ASPH: variants seen among roughly 807,000 people sequenced by gnomAD.
The protein encoded by ASPH is aspartyl/asparaginyl beta-hydroxylase.
ASPH carries 100 observed loss-of-function variants against 118.4 expected under a neutral mutation model. The ratio of observed to expected loss-of-function variants is 0.84; its 90% CI spans 0.72 to 1.00. ASPH has a LOEUF of 1.00. Ranked by LOEUF, ASPH falls within the 50% of genes least tolerant of loss-of-function variation. The probability of loss-of-function intolerance (pLI) is 0.00; values close to 1 mark genes in which losing one functional copy is unlikely to be tolerated. For missense variants in ASPH, 920 were observed against 919.5 expected, an observed-to-expected ratio of 1.00 and a Z score of -0.01; for synonymous variants, 315 against 325.6, an observed-to-expected ratio of 0.97 and a Z score of 0.35.
At chr8:61,612,371 A>T (rs888143864) in intron 14 of ASPH, among the ~76,000 whole-genome samples, 1 of 124,492 alleles carries the variant, frequency 8.0e-6, no homozygotes, top group African/African-American at 2.9e-5. Context: ...AGAAATGAAC[A>T]AAGTTTTTTT....
intron 16 of ASPH, among the ~76,000 whole-genome samples, chr8:61,572,761 C>A (rs1833853025): frequency 6.6e-6 from 1 of 152,142 alleles, no homozygotes; most frequent in Non-Finnish European, 1.5e-5. Context: ...ATTTTCCACT[C>A]AGTAACCAAA....
chr8:61,566,471 C>T (rs781416348), intron 17 of ASPH, among the ~76,000 whole-genome samples: 4 of 152,190 alleles, frequency 2.6e-5, no homozygotes, highest in Non-Finnish European at 4.4e-5. Flanking sequence ...GAAATGGCAA[C>T]AAAGGATTTA....
intron 1 of ASPH, among the ~76,000 whole-genome samples, chr8:61,692,401 C>T (rs538228203): frequency 3.3e-5 from 5 of 152,206 alleles, no homozygotes; most frequent in South Asian, 2.1e-4. Context: ...CTTTAGCAAA[C>T]GCAACTAAAA....
chr8:61,539,032 C>T (rs144291258), intron 21 of ASPH, among the ~76,000 whole-genome samples: 20 of 152,068 alleles, frequency 1.3e-4, no homozygotes, highest in Admixed American at 5.9e-4. Flanking sequence ...ACCTGAGGTC[C>T]GGAGTTTGAG....
intron 14 of ASPH, among the ~76,000 whole-genome samples, chr8:61,599,628 G>GA (rs1262777675): frequency 6.6e-6 from 1 of 151,908 alleles, no homozygotes. Flanking sequence ...GATCATCAGA[G>GA]ACTATTATGA....
intron 22 of ASPH, among the ~76,000 whole-genome samples, chr8:61,524,042 T>C (rs575567403): frequency 2.0e-5 from 3 of 152,172 alleles, no homozygotes; most frequent in African/African-American, 2.4e-5. Flanking sequence ...GATTGCACCA[T>C]TGCACGCCAA....
At chr8:61,643,517 T>C in intron 8 of ASPH, 84 bp from the exon 9 acceptor site, 1 of 1,336,730 alleles carries the variant, frequency 7.5e-7, no homozygotes, top group South Asian at 1.2e-5. Context: ...CATAAATTAA[T>C]TATCTTCACA....
At chr8:61,528,304 A>G (rs1310249720) in intron 21 of ASPH, among the ~76,000 whole-genome samples, 1 of 152,216 alleles carries the variant, frequency 6.6e-6, no homozygotes, top group Non-Finnish European at 1.5e-5. Flanking sequence ...TGGAAAAGAA[A>G]AAAATGCACC....
intron 14 of ASPH, among the ~76,000 whole-genome samples, chr8:61,609,874 C>T (rs766150988): frequency 1.3e-5 from 2 of 152,220 alleles, no homozygotes; most frequent in Non-Finnish European, 2.9e-5. Context: ...CAACTACTCA[C>T]AGCACTGTCT....
intron 15 of ASPH, chr8:61,578,462 C>A: frequency 6.3e-7 from 1 of 1,593,866 alleles, no homozygotes; most frequent in Non-Finnish European, 8.6e-7. Context: ...TGGAGGTGGA[C>A]CCCAACATCC....
At chr8:61,640,438 G>A (rs1447553138) in intron 10 of ASPH, among the ~76,000 whole-genome samples, 4 of 152,116 alleles carry the variant, frequency 2.6e-5, no homozygotes, top group African/African-American at 9.7e-5. Flanking sequence ...CCTTACTCTT[G>A]CAAGTTCACG....
At chr8:61,587,075 A>G (rs967931326) in intron 14 of ASPH, among the ~76,000 whole-genome samples, 1 of 152,178 alleles carries the variant, frequency 6.6e-6, no homozygotes, top group Non-Finnish European at 1.5e-5. Context: ...ACTTTCATCA[A>G]GTAATAAAGC....
chr8:61,611,534 T>G (rs1322779159), intron 14 of ASPH, among the ~76,000 whole-genome samples: 1 of 152,204 alleles, frequency 6.6e-6, no homozygotes, highest in African/African-American at 2.4e-5. Context: ...AAGAGCAGCT[T>G]CTGATGAAAG....
intron 13 of ASPH, among the ~76,000 whole-genome samples, chr8:61,623,077 C>T (rs76141814): frequency 0.014 from 2,105 of 152,144 alleles, 43 homozygotes; most frequent in African/African-American, 0.048. Context: ...AATTAATATC[C>T]TCCCATTAAA....
chr8:61,695,356 A>G (rs1833680031), intron 1 of ASPH, among the ~76,000 whole-genome samples: 1 of 152,226 alleles, frequency 6.6e-6, no homozygotes, highest in East Asian at 1.9e-4. Context: ...GGAAGGCTCC[A>G]TGTGATGGGG....
At position 61,503,414 on chromosome 8, in the gene ASPH, T is replaced by C. The variant is rs1198666848; in HGVS notation, c.2222A>G (p.Asp741Gly). 6.2e-7 allele frequency: 1 copy of C among 1,613,138 alleles called. No individual in the cohort carries two copies. The highest frequency in any genetic ancestry group is 1.7e-4 in the Middle Eastern group (1 of 5,904). The change falls in exon 25 of 25, where the codon GAT (aspartate) becomes GGT (glycine). Residue 741 changes from aspartate (D) to glycine (G), a missense_variant. Physicochemically the swap from Asp to Gly is moderately conservative, Grantham distance 94. Transcript: ENST00000379454. ...TGGTGTCAGTTCCGGATGCCACACATCCACGATGAATATCAGCCGGAAAGA... is the reference window on the plus strand; with the variant it reads ...TGGTGTCAGTTCCGGATGCCACACACCCACGATGAATATCAGCCGGAAAGA... ...ASSFRLIFIV[D>G]VWHPELTPQQ...
At chr8:61,540,106 T>C (rs2130408776) in intron 21 of ASPH, among the ~76,000 whole-genome samples, 1 of 152,312 alleles carries the variant, frequency 6.6e-6, no homozygotes, top group South Asian at 2.1e-4. Flanking sequence ...TCTACTGGAA[T>C]ATTTTTCACT....
rs762456223 is a variant in ASPH, at chr8:61,643,948, G to C, written c.706C>G (p.Pro236Ala). The change falls in exon 8 of 25, where the codon CCA becomes GCA. Residue 236 changes from proline (P) to alanine (A), a missense_variant. Transcript: ENST00000379454. ...MEEMMSEQEN[P>A]DSSEPVVEDE... Reference sequence around the variant, plus strand: ...AATAATTTTAACATTTACAAACCTGGATTTTCCTGCTCAGACATCATCTCT... The same window carrying C: ...AATAATTTTAACATTTACAAACCTGCATTTTCCTGCTCAGACATCATCTCT... 1 of 1,611,058 alleles carries C rather than the reference G, an allele frequency of 6.2e-7. No individual in the cohort carries two copies. The highest frequency in any genetic ancestry group is 8.5e-7 in the Non-Finnish European group (1 of 1,177,770).
At chr8:61,515,363 A>C (rs1380532200) in intron 24 of ASPH, among the ~76,000 whole-genome samples, 3 of 152,186 alleles carry the variant, frequency 2.0e-5, no homozygotes, top group African/African-American at 7.2e-5. Flanking sequence ...GATTCATTCC[A>C]TGCCTGAAGA....
Sources: gnomAD v4.1 joint callset for allele counts (sites outside exome capture counted in the v4.1 genomes callset) on GRCh38, gnomAD v4.1.1 for gene constraint, MANE v1.5 for transcripts, NCBI Gene and HGNC (gene_info 2026-07-23, HGNC 2026-07-21) for gene names.